The following COG5 variants were observed in gnomAD, a reference collection of about 807,000 sequenced individuals.
The protein encoded by COG5 is conserved oligomeric Golgi complex subunit 5.
Under a neutral mutation model 110.4 loss-of-function variants are expected in COG5, and 86 were observed. That is an observed-to-expected ratio of 0.78 (90% CI 0.65 to 0.93). The LOEUF is 0.93. Among genes scored for constraint, COG5 ranks in the 40% least tolerant of loss-of-function variants. COG5 has a pLI of 0.00. For synonymous variants in COG5, 360 were observed against 334.6 expected (o/e 1.08, Z -0.83); for missense variants, 1,077 against 987.0 (o/e 1.09, Z -1.22).
At chr7:107,314,091 G>C (rs74925723) in intron 11 of COG5, among the ~76,000 whole-genome samples, 24,521 of 152,138 alleles carry the variant, frequency 0.16, 2,376 homozygotes, top group Non-Finnish European at 0.22. Flanking sequence ...AGTACATGCA[G>C]CAATATGGGG....
At chr7:107,426,405 G>T (rs1793645632) in intron 6 of COG5, among the ~76,000 whole-genome samples, 1 of 152,120 alleles carries the variant, frequency 6.6e-6, no homozygotes, top group Non-Finnish European at 1.5e-5. Flanking sequence ...AGTTCAGGCT[G>T]CTATAACAAG....
Position 107,202,767 on chromosome 7 carries a change from ATTT to A in COG5, c.*746_*748del, listed in dbSNP as rs1798437325. The A allele has an allele frequency of 6.6e-6, 1 of 152,130 alleles. No homozygotes were observed. Among genetic ancestry groups the A allele is most frequent in the South Asian group, 2.1e-4 (1 of 4,832 alleles). 9.4% of individuals were successfully genotyped at this position (152,130 alleles called of 1,614,324 possible). A position where few individuals can be genotyped will look rare whatever the true frequency, so the allele number is the denominator to read the frequency against. The stretch of plus-strand genomic sequence containing the variant: ...TATAGAGAATTGCTATACAATAAAA[ATTT>A]TTATTTTTCACGTGGCATTTTTGTT... On this transcript the variant is annotated 3_prime_UTR_variant, in exon 22 of 22. Transcript: ENST00000297135.
chr7:107,413,687 T>C (rs1792484872), intron 6 of COG5, among the ~76,000 whole-genome samples: 1 of 152,190 alleles, frequency 6.6e-6, no homozygotes, highest in Non-Finnish European at 1.5e-5. Flanking sequence ...TCTTTATATA[T>C]CTGCTCTTTG....
intron 21 of COG5, chr7:107,208,139 A>G: frequency 2.0e-6 from 2 of 985,458 alleles, no homozygotes; most frequent in Non-Finnish European, 2.4e-6. Context: ...CCTTGCCAAG[A>G]GCCTGGGGTG....
chr7:107,442,247 G>A (rs2129087136), intron 6 of COG5, among the ~76,000 whole-genome samples: 1 of 152,250 alleles, frequency 6.6e-6, no homozygotes, highest in East Asian at 1.9e-4. Flanking sequence ...TGCCAGCCAT[G>A]TAAGACATGC....
intron 7 of COG5, among the ~76,000 whole-genome samples, chr7:107,397,337 G>A (rs1306035996): frequency 1.3e-5 from 2 of 152,232 alleles, no homozygotes; most frequent in Middle Eastern, 3.4e-3. Context: ...AGCACACTAA[G>A]GATGATGGAA....
intron 14 of COG5, among the ~76,000 whole-genome samples, chr7:107,259,590 AG>A (rs1164813238): frequency 6.6e-6 from 1 of 152,008 alleles, no homozygotes; most frequent in Admixed American, 6.6e-5. Context: ...GACTCGGGGC[AG>A]GGGGGGTCAA....
chr7:107,317,654 T>G (rs1808875015), intron 11 of COG5, among the ~76,000 whole-genome samples: 1 of 152,218 alleles, frequency 6.6e-6, no homozygotes, highest in South Asian at 2.1e-4. Flanking sequence ...CAAACTGTCT[T>G]TAAGTATCTG....
rs545182297 is a variant in COG5 at position 107,501,721 on chromosome 7, T to C, written c.538+25516A>G. Among the ~76,000 whole-genome samples, 130 of 152,266 alleles carry C rather than the reference T, an allele frequency of 8.5e-4. 4 individuals are homozygous for C. The South Asian group carries it at 0.024, about 28-fold the overall frequency. On this transcript the variant is annotated intron_variant, in intron 6 of 21. Coordinates refer to ENST00000297135, the MANE Select transcript of COG5 (RefSeq NM_006348.5). ...TTTCTATATGCTTATCTCTACCACA[T>C]ACAAACACATATCTAAGCATAAGCC...
At chr7:107,466,804 C>T (rs907337905) in intron 6 of COG5, among the ~76,000 whole-genome samples, 1 of 152,178 alleles carries the variant, frequency 6.6e-6, no homozygotes, top group African/African-American at 2.4e-5. Context: ...GAAAAAGGAC[C>T]CTTGTCGCAA....
At chr7:107,256,425 A>T (rs569955442) in intron 16 of COG5, among the ~76,000 whole-genome samples, 1 of 152,232 alleles carries the variant, frequency 6.6e-6, no homozygotes, top group South Asian at 2.1e-4. Flanking sequence ...TCTGCTGGAG[A>T]ACCACTGCTC....
intron 5 of COG5, among the ~76,000 whole-genome samples, chr7:107,547,635 A>G (rs1428843590): frequency 2.0e-5 from 3 of 152,222 alleles, no homozygotes; most frequent in Non-Finnish European, 2.9e-5. Context: ...AAAGGACCCT[A>G]AAGACTCCAC....
chr7:107,312,441 A>G (rs1388572996), intron 11 of COG5, among the ~76,000 whole-genome samples: 2 of 152,212 alleles, frequency 1.3e-5, no homozygotes, highest in Non-Finnish European at 2.9e-5. Context: ...AATCGGGTAC[A>G]TTAAGAATTT....
intron 6 of COG5, among the ~76,000 whole-genome samples, chr7:107,465,616 G>A (rs1796248933): frequency 6.6e-6 from 1 of 152,152 alleles, no homozygotes; most frequent in African/African-American, 2.4e-5. Context: ...CAGAAGGTAG[G>A]AGTAACTGAA....
chr7:107,418,097 A>C (rs1793013499), intron 6 of COG5, among the ~76,000 whole-genome samples: 6 of 152,126 alleles, frequency 3.9e-5, no homozygotes, highest in Admixed American at 2.0e-4. Flanking sequence ...GCAAATATCA[A>C]AATATAAAAT....
chr7:107,541,675 G>C (rs1190629415), intron 5 of COG5, among the ~76,000 whole-genome samples: 1 of 151,024 alleles, frequency 6.6e-6, no homozygotes, highest in Non-Finnish European at 1.5e-5. Context: ...GCTCACACCT[G>C]TAATCCCAGC....
At chr7:107,241,157 T>A (rs1445635354) in intron 17 of COG5, among the ~76,000 whole-genome samples, 1 of 152,160 alleles carries the variant, frequency 6.6e-6, no homozygotes, top group Non-Finnish European at 1.5e-5. Flanking sequence ...AGCTCACCAA[T>A]TAAATTAAAA....
rs1044631575 is a variant in COG5, at chr7:107,236,861, A to C, written c.1854-174T>G. Among the ~76,000 whole-genome samples, 7 of 152,244 alleles carry C rather than the reference A, an allele frequency of 4.6e-5. No individual in the cohort carries two copies. The East Asian group carries it at 1.3e-3, about 29-fold the overall frequency. ...GCGTTAGCAGAAAACAATGTTTAAAAATTACATTTCAAAAAGTGGTTTAGA... is the reference window on the plus strand; with the variant it reads ...GCGTTAGCAGAAAACAATGTTTAAACATTACATTTCAAAAAGTGGTTTAGA... On this transcript the variant is annotated intron_variant, in intron 17 of 21. Transcript: ENST00000297135.
At chr7:107,503,209 T>C (rs544781490) in intron 6 of COG5, among the ~76,000 whole-genome samples, 1 of 152,320 alleles carries the variant, frequency 6.6e-6, no homozygotes, top group African/African-American at 2.4e-5. Context: ...TTCATTCTTC[T>C]ACATGTGGCT....
Sources: allele counts gnomAD v4.1 joint callset (sites outside exome capture counted in the v4.1 genomes callset), GRCh38; gene constraint gnomAD v4.1.1; transcripts MANE v1.5; gene names NCBI Gene and HGNC (gene_info 2026-07-23, HGNC 2026-07-21).